CCDC102B: variants seen among roughly 807,000 people sequenced by gnomAD.
CCDC102B encodes coiled-coil domain containing 102B.
In CCDC102B, 75 loss-of-function variants were observed where a neutral mutation model predicts 57.4. The observed-to-expected ratio is 1.31, with a 90% CI of 1.08 to 1.58. The LOEUF (loss-of-function observed/expected upper bound fraction) is 1.58, where lower values mean the gene tolerates loss of function less well. Among genes scored for constraint, CCDC102B ranks in the 40% most tolerant of loss-of-function variants. The pLI, the probability that CCDC102B is intolerant of heterozygous loss-of-function variation, is 0.00. For missense variants in CCDC102B, 636 were observed against 582.6 expected (o/e 1.09, Z -0.94); for synonymous variants, 206 against 201.9 (o/e 1.02, Z -0.17).
chr18:68,888,955 G>A (rs1174145520), intron 5 of CCDC102B, among the ~76,000 whole-genome samples: 2 of 151,336 alleles, frequency 1.3e-5, no homozygotes, highest in East Asian at 3.9e-4. Context: ...ATTATAATTG[G>A]TAGTTGCAAA....
chr18:68,926,901 G>A (rs2041492346), intron 6 of CCDC102B, among the ~76,000 whole-genome samples: 2 of 151,888 alleles, frequency 1.3e-5, no homozygotes, highest in Admixed American at 6.6e-5. Context: ...TTTACCCTAA[G>A]CACTAAATGG....
intron 1 of CCDC102B, among the ~76,000 whole-genome samples, chr18:68,827,829 A>G (rs2036967005): frequency 6.6e-6 from 1 of 152,006 alleles, no homozygotes; most frequent in African/African-American, 2.4e-5. Context: ...ATCTATCACA[A>G]ATAAAATAAT....
chr18:68,739,256 A>T (rs1452349793), intron 2 of CCDC102B, among the ~76,000 whole-genome samples: 1 of 152,286 alleles, frequency 6.6e-6, no homozygotes, highest in South Asian at 2.1e-4. Flanking sequence ...TTGGCCTCCT[A>T]AAGTGCTGAG....
At chr18:68,935,277 G>T in intron 6 of CCDC102B, among the ~76,000 whole-genome samples, 1 of 151,960 alleles carries the variant, frequency 6.6e-6, no homozygotes, top group East Asian at 1.9e-4. Flanking sequence ...ATGGGATTTT[G>T]AATCTATTTT....
chr18:68,946,138 C>T (rs1416423883), intron 6 of CCDC102B, among the ~76,000 whole-genome samples: 1 of 151,904 alleles, frequency 6.6e-6, no homozygotes, highest in African/African-American at 2.4e-5. Flanking sequence ...CTGAAATTCA[C>T]TCATAGTTCT....
intron 1 of CCDC102B, among the ~76,000 whole-genome samples, chr18:68,715,956 G>A (rs961357638): frequency 1.7e-4 from 26 of 152,026 alleles, no homozygotes; most frequent in Non-Finnish European, 1.3e-4. Context: ...ATTCCAACAG[G>A]CAAAAATGTC....
At chr18:68,812,660 A>C (rs1420755508) in intron 1 of CCDC102B, among the ~76,000 whole-genome samples, 1 of 152,222 alleles carries the variant, frequency 6.6e-6, no homozygotes, top group Non-Finnish European at 1.5e-5. Context: ...ACAACGAGGC[A>C]GTGAAACAAA....
intron 6 of CCDC102B, among the ~76,000 whole-genome samples, chr18:69,001,395 GTTCAGCTAAA>G: frequency 6.6e-6 from 1 of 151,646 alleles, no homozygotes; most frequent in East Asian, 1.9e-4. Context: ...CTTTTCCTTA[GTTCAGCTAAA>G]GACAGGCTTT....
chr18:68,724,266 G>A (rs1407835871), intron 2 of CCDC102B, among the ~76,000 whole-genome samples: 1 of 152,184 alleles, frequency 6.6e-6, no homozygotes, highest in East Asian at 1.9e-4. Flanking sequence ...GATAGAAGGG[G>A]CTGTGTGAAG....
chr18:68,838,398 A>C (rs567999177), intron 2 of CCDC102B: 3 of 984,896 alleles, frequency 3.0e-6, no homozygotes, highest in Non-Finnish European at 3.6e-6. Context: ...ACTCATTAAA[A>C]ATTATTTACA....
At chr18:68,773,619 C>T (rs1177625282) in intron 2 of CCDC102B, among the ~76,000 whole-genome samples, 1 of 151,730 alleles carries the variant, frequency 6.6e-6, no homozygotes, top group African/African-American at 2.4e-5. Context: ...AAATTGAATA[C>T]AATTTTCCTT....
intron 1 of CCDC102B, among the ~76,000 whole-genome samples, chr18:68,810,685 T>TG (rs2036219438): frequency 2.2e-5 from 1 of 44,866 alleles, no homozygotes; most frequent in African/African-American, 8.9e-5. Context: ...TCTTTGTTTT[T>TG]TTTTTTTTTT....
chr18:68,889,421 T>G (rs780557728), intron 5 of CCDC102B, among the ~76,000 whole-genome samples: 4 of 152,246 alleles, frequency 2.6e-5, no homozygotes, highest in South Asian at 2.1e-4. Context: ...TTAGTGGTTT[T>G]GTTTTGTTTT....
intron 6 of CCDC102B, among the ~76,000 whole-genome samples, chr18:68,968,325 G>A (rs923494053): frequency 2.6e-5 from 4 of 152,092 alleles, no homozygotes; most frequent in East Asian, 1.9e-4. Flanking sequence ...CTTCTCTGAC[G>A]CAGCTCTGAA....
intron 2 of CCDC102B, among the ~76,000 whole-genome samples, chr18:68,736,736 A>G (rs1332532862): frequency 3.9e-5 from 6 of 152,088 alleles, no homozygotes; most frequent in Non-Finnish European, 7.3e-5. Context: ...CTTATTCCCT[A>G]TCACTAGAAT....
chr18:69,008,270 A>G (rs2145382599), intron 6 of CCDC102B, among the ~76,000 whole-genome samples: 1 of 152,298 alleles, frequency 6.6e-6, no homozygotes, highest in East Asian at 1.9e-4. Flanking sequence ...AAGAGAAGAA[A>G]TGAGAAATCT....
intron 6 of CCDC102B, among the ~76,000 whole-genome samples, chr18:68,952,405 A>G (rs1241637368): frequency 1.3e-5 from 2 of 152,108 alleles, no homozygotes; most frequent in Admixed American, 1.3e-4. Context: ...GAGATGTTGA[A>G]GCCATTTTAC....
In CCDC102B at chr18:68,881,938, C is replaced by G. The variant is rs2039707489; in HGVS notation, c.1053+7153C>G. ...GTACATTTTTGAGAATATAACTCTC[C>G]TATGCTAGACTCCTAAGCAAAAACA... is the stretch of plus-strand genomic sequence containing the variant. On this transcript the variant is annotated intron_variant, in intron 5 of 7. Coordinates refer to ENST00000360242, the MANE Select transcript of CCDC102B (RefSeq NM_024781.3). Among the ~76,000 whole-genome samples, 4 of 152,046 alleles carry G rather than the reference C, an allele frequency of 2.6e-5. No homozygotes were observed. In the South Asian group the frequency reaches 8.3e-4, roughly 32 times the overall value.
chr18:68,862,841 A>G (rs1271664558), intron 4 of CCDC102B, among the ~76,000 whole-genome samples: 1 of 152,090 alleles, frequency 6.6e-6, no homozygotes, highest in Non-Finnish European at 1.5e-5. Flanking sequence ...AAAGAATACT[A>G]TAATGAACCC....
Sources: gnomAD v4.1 joint callset for allele counts (sites outside exome capture counted in the v4.1 genomes callset) on GRCh38, gnomAD v4.1.1 for gene constraint, MANE v1.5 for transcripts, NCBI Gene and HGNC (gene_info 2026-07-23, HGNC 2026-07-21) for gene names.